Variants in CBFA2T2 observed in about 807,000 individuals in gnomAD.
CBFA2T2 encodes protein CBFA2T2.
CBFA2T2 carries 11 observed loss-of-function variants against 62.2 expected under a neutral mutation model. That is an observed-to-expected ratio of 0.18 (90% CI 0.11 to 0.29). CBFA2T2 has a LOEUF of 0.29. Among genes scored for constraint, CBFA2T2 ranks in the 10% least tolerant of loss-of-function variants. CBFA2T2 has a pLI of 1.00. For synonymous variants in CBFA2T2, 295 were observed against 287.5 expected, an observed-to-expected ratio of 1.03 and a Z score of -0.27; for missense variants, 592 against 774.1, an observed-to-expected ratio of 0.76 and a Z score of 2.79.
chr20:33,591,339 G>T (rs754163442), intron 1 of CBFA2T2, among the ~76,000 whole-genome samples: 4 of 150,874 alleles, frequency 2.7e-5, no homozygotes, highest in Non-Finnish European at 4.4e-5. Flanking sequence ...GAAAAAAGTA[G>T]TAGTCCCTGC....
intron 1 of CBFA2T2, among the ~76,000 whole-genome samples, chr20:33,495,971 G>T (rs2011195620): frequency 6.6e-6 from 1 of 152,146 alleles, no homozygotes; most frequent in Non-Finnish European, 1.5e-5. Context: ...GTTGTTAGTG[G>T]CTGAGGGTAT....
intron 1 of CBFA2T2, among the ~76,000 whole-genome samples, chr20:33,534,394 G>A (rs1226760363): frequency 6.6e-6 from 1 of 151,918 alleles, no homozygotes; most frequent in Non-Finnish European, 1.5e-5. Flanking sequence ...ATCCCAGCTC[G>A]CTGCAGCCTC....
At chr20:33,501,175 G>T (rs1008582637) in intron 1 of CBFA2T2, among the ~76,000 whole-genome samples, 2 of 152,176 alleles carry the variant, frequency 1.3e-5, no homozygotes, top group Non-Finnish European at 2.9e-5. Flanking sequence ...AGACCTTTCA[G>T]TCAAATTAGC....
chr20:33,619,730 A>C, intron 4 of CBFA2T2, 124 bp downstream of exon 4: 1 of 633,548 alleles, frequency 1.6e-6, no homozygotes, highest in Non-Finnish European at 2.7e-6. Flanking sequence ...GGGCTGGTAG[A>C]GAGGTCTGAG....
intron 1 of CBFA2T2, among the ~76,000 whole-genome samples, chr20:33,503,314 G>A (rs564243932): frequency 1.2e-4 from 17 of 142,112 alleles, no homozygotes; most frequent in Admixed American, 3.6e-4. Context: ...GAATGCAGTG[G>A]CGCAATCTCA....
At chr20:33,531,002 G>A (rs1365537327) in intron 1 of CBFA2T2, among the ~76,000 whole-genome samples, 1 of 152,094 alleles carries the variant, frequency 6.6e-6, no homozygotes, top group Admixed American at 6.5e-5. Context: ...AGAATTGCTT[G>A]AACCTAGGAG....
At chr20:33,553,274 G>T (rs1480676733) in intron 1 of CBFA2T2, among the ~76,000 whole-genome samples, 1 of 152,144 alleles carries the variant, frequency 6.6e-6, no homozygotes, top group Non-Finnish European at 1.5e-5. Context: ...ACCCAGGCGG[G>T]AGTGCAATGG....
At chr20:33,642,649 G>A (rs1411094140) in intron 10 of CBFA2T2, among the ~76,000 whole-genome samples, 1 of 152,030 alleles carries the variant, frequency 6.6e-6, no homozygotes, top group Non-Finnish European at 1.5e-5. Flanking sequence ...ATGGCAAGAT[G>A]AGGGGGAAAG....
intron 1 of CBFA2T2, among the ~76,000 whole-genome samples, chr20:33,579,654 T>C (rs1198632838): frequency 6.6e-6 from 1 of 152,006 alleles, no homozygotes; most frequent in African/African-American, 2.4e-5. Flanking sequence ...AGACTTTTCT[T>C]TCCCCATTGA....
At position 33,562,290 on chromosome 20, in the gene CBFA2T2, T is replaced by C. The variant is rs373023434; in HGVS notation, c.35-44666T>C. 1.9e-5 allele frequency: 13 copies of C among 686,194 alleles called. No individual in the cohort carries two copies. The South Asian group carries it at 7.2e-4, about 38-fold the overall frequency. 42.5% of individuals were successfully genotyped at this position (686,194 alleles called of 1,614,324 possible). ...CCAGGAGCCACTGGGAGGTGTGTAC[T>C]TAGTGACATCAGCTGGCAAAGAGCC... On this transcript the variant is annotated intron_variant, in intron 1 of 10. Transcript: ENST00000342704.
chr20:33,532,500 T>C (rs1188404346), intron 1 of CBFA2T2, among the ~76,000 whole-genome samples: 1 of 152,234 alleles, frequency 6.6e-6, no homozygotes, highest in Non-Finnish European at 1.5e-5. Context: ...ACATTTCAAG[T>C]GTAGCTTTCC....
intron 1 of CBFA2T2, among the ~76,000 whole-genome samples, chr20:33,522,651 G>A (rs900209439): frequency 6.6e-6 from 1 of 152,182 alleles, no homozygotes; most frequent in Admixed American, 6.5e-5. Flanking sequence ...GCTGAGGTGG[G>A]AGGATCATTT....
intron 1 of CBFA2T2, among the ~76,000 whole-genome samples, chr20:33,522,480 C>T (rs1355464951): frequency 3.4e-5 from 5 of 148,582 alleles, no homozygotes; most frequent in African/African-American, 7.3e-5. Flanking sequence ...GTACTCTCAG[C>T]GCTTTGGGAG....
intron 1 of CBFA2T2, among the ~76,000 whole-genome samples, chr20:33,506,176 A>G (rs892547690): frequency 3.3e-5 from 5 of 152,176 alleles, no homozygotes; most frequent in African/African-American, 1.2e-4. Flanking sequence ...GAGAGGCCAC[A>G]GTGGGAAAAT....
At chr20:33,493,892 G>GT (rs1022997071) in intron 1 of CBFA2T2, among the ~76,000 whole-genome samples, 14 of 151,596 alleles carry the variant, frequency 9.2e-5, no homozygotes, top group East Asian at 1.9e-4. Flanking sequence ...TTTTTTTATG[G>GT]TTTTTTTTGA....
intron 1 of CBFA2T2, among the ~76,000 whole-genome samples, chr20:33,588,745 G>A (rs1234953252): frequency 6.6e-6 from 1 of 152,054 alleles, no homozygotes; most frequent in Non-Finnish European, 1.5e-5. Flanking sequence ...TCAAGAGTTC[G>A]AGACCAGCTT....
chr20:33,490,135 TG>T lies in CBFA2T2; in HGVS notation c.-131del. The T allele has an allele frequency of 1.1e-6, 1 of 897,968 alleles. No individual in the cohort carries two copies. The highest frequency in any genetic ancestry group is 1.4e-6 in the Non-Finnish European group (1 of 704,418). 55.6% of individuals were successfully genotyped at this position (897,968 alleles called of 1,614,324 possible). ...CGGCGACAGCAGCGGTGGTGGTGTC[TG>T]GTTAGCTCGGCGGCTGCAGATCTCG... is the stretch of plus-strand genomic sequence containing the variant. On this transcript the variant is annotated 5_prime_UTR_variant, in exon 1 of 11. Coordinates refer to ENST00000342704, the MANE Select transcript of CBFA2T2 (RefSeq NM_001032999.3).
At chr20:33,574,060 A>G in intron 1 of CBFA2T2, 2 of 1,361,996 alleles carry the variant, frequency 1.5e-6, no homozygotes, top group Non-Finnish European at 1.9e-6. Flanking sequence ...AAGTGCTGGG[A>G]TTACAGGCAA....
At chr20:33,490,365 C>G in intron 1 of CBFA2T2, 64 bp downstream of exon 1, 1 of 1,237,636 alleles carries the variant, frequency 8.1e-7, no homozygotes, top group South Asian at 3.7e-5. Context: ...TCCGCAGGCG[C>G]GGTGATTCCG....
Sources: allele counts gnomAD v4.1 joint callset (sites outside exome capture counted in the v4.1 genomes callset), GRCh38; gene constraint gnomAD v4.1.1; transcripts MANE v1.5; gene names NCBI Gene and HGNC (gene_info 2026-07-23, HGNC 2026-07-21).